Variants in ADAMTS12 observed in about 807,000 individuals in gnomAD.
ADAMTS12 encodes ADAM metallopeptidase with thrombospondin type 1 motif 12.
In ADAMTS12, 118 loss-of-function variants were observed where a neutral mutation model predicts 167.8. That is an observed-to-expected ratio of 0.70 (90% CI 0.61 to 0.82). The LOEUF (loss-of-function observed/expected upper bound fraction) is 0.82, where lower values mean the gene tolerates loss of function less well. Among genes scored for constraint, ADAMTS12 ranks in the 40% least tolerant of loss-of-function variants. ADAMTS12 has a pLI of 0.00. For synonymous variants in ADAMTS12, 704 were observed against 716.9 expected, an observed-to-expected ratio of 0.98 and a Z score of 0.29; for missense variants, 1,916 against 1,998.8, an observed-to-expected ratio of 0.96 and a Z score of 0.79.
intron 2 of ADAMTS12, among the ~76,000 whole-genome samples, chr5:33,834,152 A>G (rs2591721): frequency 0.14 from 21,854 of 152,142 alleles, 2,887 homozygotes; most frequent in East Asian, 0.39. Context: ...TAAGGACAGC[A>G]GTCATATTGG....
intron 3 of ADAMTS12, among the ~76,000 whole-genome samples, chr5:33,720,688 T>C (rs1338674511): frequency 6.6e-6 from 1 of 152,210 alleles, no homozygotes; most frequent in Admixed American, 6.5e-5. Flanking sequence ...ATCCTGGTCC[T>C]AGAATCAAGG....
intron 2 of ADAMTS12, among the ~76,000 whole-genome samples, chr5:33,763,949 G>A (rs556140218): frequency 5.8e-4 from 88 of 152,256 alleles, no homozygotes; most frequent in African/African-American, 2.1e-3. Flanking sequence ...TAGGGAAACA[G>A]GGAATGCATA....
chr5:33,880,324 A>C lies in ADAMTS12; in HGVS notation c.489+795T>G, dbSNP rs186266173. The stretch of plus-strand genomic sequence containing the variant: ...CAATAACAGCAGCCAATATTCATTG[A>C]GTGTTTATTATTTATTAAACACTCT... On this transcript the variant is annotated intron_variant, in intron 2 of 23. Coordinates refer to ENST00000504830, the MANE Select transcript of ADAMTS12 (RefSeq NM_030955.4). Among the ~76,000 whole-genome samples, 9 of 152,346 alleles carry C rather than the reference A, an allele frequency of 5.9e-5. No homozygotes were observed. In the East Asian group the frequency reaches 1.3e-3, roughly 23 times the overall value.
At chr5:33,570,362 C>A (rs894258496) in intron 19 of ADAMTS12, among the ~76,000 whole-genome samples, 1 of 152,064 alleles carries the variant, frequency 6.6e-6, no homozygotes, top group Non-Finnish European at 1.5e-5. Context: ...TCGGGTTACC[C>A]ACAAAGGGAA....
In ADAMTS12 at chr5:33,525,046, C is replaced by T. The variant is rs1176145889; in HGVS notation, c.*2142G>A. ...GGTCATACCCAGGTCTCTGATGACA[C>T]GTATTTGACCCTATGCTAGTACAGT... On this transcript the variant is annotated 3_prime_UTR_variant, in exon 24 of 24. Transcript: ENST00000504830. The T allele has an allele frequency of 1.3e-5, 2 of 152,194 alleles. No homozygotes were observed. The highest frequency in any genetic ancestry group is 6.5e-5 in the Admixed American group (1 of 15,270). 9.4% of individuals were successfully genotyped at this position (152,194 alleles called of 1,614,324 possible). A position where few individuals can be genotyped will look rare whatever the true frequency, so the allele number is the denominator to read the frequency against.
intron 3 of ADAMTS12, among the ~76,000 whole-genome samples, chr5:33,712,551 A>G (rs1044499433): frequency 6.6e-6 from 1 of 152,168 alleles, no homozygotes; most frequent in Non-Finnish European, 1.5e-5. Context: ...AGTTGAAGGT[A>G]CTGAGTGAAG....
intron 14 of ADAMTS12, among the ~76,000 whole-genome samples, chr5:33,623,787 CA>C (rs148874249): frequency 0.019 from 2,828 of 152,284 alleles, 95 homozygotes; most frequent in African/African-American, 0.064. Context: ...CCTGTAAACC[CA>C]TTGCTGGCTT....
chr5:33,626,003 T>C (rs1335019072), intron 13 of ADAMTS12, among the ~76,000 whole-genome samples: 1 of 152,172 alleles, frequency 6.6e-6, no homozygotes, highest in Non-Finnish European at 1.5e-5. Flanking sequence ...GAATCAGAGG[T>C]GGTTCCACTG....
Position 33,576,471 on chromosome 5 carries a change from A to C in ADAMTS12, c.3555T>G (p.Asn1185Lys). The change falls in exon 19 of 24, where the codon AAT becomes AAG. Residue 1185 changes from asparagine (N) to lysine (K), a missense_variant. By Grantham distance (94) the Asn-to-Lys change is moderately conservative. Transcript: ENST00000504830. The part of the protein sequence containing the change: ...VIWTKIRVPG[N>K]DAPVESTEMP... Reference sequence around the variant, plus strand: ...TTTCTGTACTTTCCACTGGAGCGTCATTTCCAGGTACTCTGATCTTGGTCC... The same window carrying C: ...TTTCTGTACTTTCCACTGGAGCGTCCTTTCCAGGTACTCTGATCTTGGTCC... 6.2e-7 allele frequency: 1 copy of C among 1,608,426 alleles called. No individual in the cohort carries two copies. The highest frequency in any genetic ancestry group is 8.5e-7 in the Non-Finnish European group (1 of 1,177,236).
At chr5:33,595,910 G>A in intron 17 of ADAMTS12, 24 bp downstream of exon 17, 1 of 1,613,590 alleles carries the variant, frequency 6.2e-7, no homozygotes, top group Non-Finnish European at 8.5e-7. Context: ...GACACACAGA[G>A]CTCCAGCTGT....
intron 3 of ADAMTS12, among the ~76,000 whole-genome samples, chr5:33,713,688 A>C (rs1219625686): frequency 2.0e-5 from 3 of 152,104 alleles, no homozygotes; most frequent in Admixed American, 2.0e-4. Flanking sequence ...AACTAATGAA[A>C]CTAATGAGAA....
chr5:33,779,209 G>T (rs866760116), intron 2 of ADAMTS12, among the ~76,000 whole-genome samples: 1 of 134,622 alleles, frequency 7.4e-6, no homozygotes, highest in African/African-American at 2.7e-5. Flanking sequence ...TTTTTGAGAC[G>T]AAGTCTTGCT....
At chr5:33,890,934 C>T (rs563431527) in intron 1 of ADAMTS12, among the ~76,000 whole-genome samples, 1 of 152,222 alleles carries the variant, frequency 6.6e-6, no homozygotes, top group East Asian at 1.9e-4. Context: ...GAGTGCCACG[C>T]GGGCCATTGC....
At chr5:33,595,121 T>C (rs1190724623) in intron 17 of ADAMTS12, among the ~76,000 whole-genome samples, 1 of 152,076 alleles carries the variant, frequency 6.6e-6, no homozygotes, top group African/African-American at 2.4e-5. Flanking sequence ...CCCTCTTTTC[T>C]TCTTCTCCTT....
At chr5:33,540,871 T>C (rs1160166843) in intron 22 of ADAMTS12, among the ~76,000 whole-genome samples, 2 of 152,186 alleles carry the variant, frequency 1.3e-5, no homozygotes, top group East Asian at 3.8e-4. Flanking sequence ...ACCACAAAGA[T>C]GGGGAGAAAC....
chr5:33,530,012 C>T (rs1332653925), intron 23 of ADAMTS12, among the ~76,000 whole-genome samples: 2 of 152,078 alleles, frequency 1.3e-5, no homozygotes, highest in East Asian at 1.9e-4. Context: ...CTCTGCCTCC[C>T]GGGTTCAAGC....
chr5:33,854,853 A>G (rs897389284), intron 2 of ADAMTS12, among the ~76,000 whole-genome samples: 12 of 152,110 alleles, frequency 7.9e-5, no homozygotes, highest in African/African-American at 2.7e-4. Context: ...GCAACCCCCA[A>G]AGGTCAGAGG....
intron 19 of ADAMTS12, among the ~76,000 whole-genome samples, chr5:33,566,496 T>C (rs1746021998): frequency 6.6e-6 from 1 of 152,196 alleles, no homozygotes; most frequent in Middle Eastern, 3.4e-3. Flanking sequence ...ACGGACTCCT[T>C]CTCTTCTCCT....
chr5:33,533,203 T>C (rs1744202097), intron 23 of ADAMTS12, among the ~76,000 whole-genome samples: 1 of 152,242 alleles, frequency 6.6e-6, no homozygotes, highest in Non-Finnish European at 1.5e-5. Context: ...GAAGACAACC[T>C]ACATATAATT....
Sources: gnomAD v4.1 joint callset for allele counts (sites outside exome capture counted in the v4.1 genomes callset) on GRCh38, gnomAD v4.1.1 for gene constraint, MANE v1.5 for transcripts, NCBI Gene and HGNC (gene_info 2026-07-23, HGNC 2026-07-21) for gene names.